IKZF1: variants seen among roughly 807,000 people sequenced by gnomAD.
IKZF1 encodes IKAROS family zinc finger 1, also known as DNA-binding protein Ikaros.
IKZF1 carries 10 observed loss-of-function variants against 51.7 expected under a neutral mutation model. The ratio of observed to expected loss-of-function variants is 0.19; its 90% CI spans 0.12 to 0.33. The LOEUF (loss-of-function observed/expected upper bound fraction) is 0.33. IKZF1 is among the 10% of genes least tolerant of loss of function. The pLI, the probability that IKZF1 is intolerant of heterozygous loss-of-function variation, is 1.00. For missense variants in IKZF1, 484 were observed against 707.5 expected, an observed-to-expected ratio of 0.68 and a Z score of 3.58; for synonymous variants, 280 against 282.3, an observed-to-expected ratio of 0.99 and a Z score of 0.08.
At chr7:50,320,173 A>T (rs1039412304) in intron 2 of IKZF1, among the ~76,000 whole-genome samples, 1 of 152,248 alleles carries the variant, frequency 6.6e-6, no homozygotes, top group African/African-American at 2.4e-5. Context: ...TTATTACAAT[A>T]TAATTGCCAC....
intron 3 of IKZF1, among the ~76,000 whole-genome samples, chr7:50,342,422 C>T (rs959514086): frequency 6.6e-5 from 10 of 152,094 alleles, no homozygotes; most frequent in Non-Finnish European, 1.5e-4. Context: ...GTTGGGAAGT[C>T]CTCTTTAAAT....
intron 1 of IKZF1, among the ~76,000 whole-genome samples, chr7:50,316,680 C>T (rs530236870): frequency 3.3e-5 from 5 of 152,322 alleles, no homozygotes; most frequent in South Asian, 2.1e-4. Context: ...GTCAGGATTC[C>T]GGCTTGAAAC....
chr7:50,355,882 C>T (rs191082772), intron 3 of IKZF1, among the ~76,000 whole-genome samples: 1 of 152,230 alleles, frequency 6.6e-6, no homozygotes, highest in East Asian at 1.9e-4. Context: ...CCCGGCTGTC[C>T]TGCCCCTCCT....
Position 50,402,724 on chromosome 7 carries a change from TGGA to T in IKZF1, c.*2099_*2101del, listed in dbSNP as rs1818355523. 1.7e-5 allele frequency: 4 copies of T among 230,074 alleles called. No individual in the cohort carries two copies. In the Admixed American group the frequency reaches 2.3e-4, roughly 13 times the overall value. The allele number at this position is 230,074 out of a possible 1,614,324, so 14.3% of individuals were successfully genotyped here. A position where few individuals can be genotyped will look rare whatever the true frequency, so the allele number is the denominator to read the frequency against. On this transcript the variant is annotated 3_prime_UTR_variant, in exon 8 of 8. Coordinates refer to ENST00000331340, the MANE Select transcript of IKZF1 (RefSeq NM_006060.6). ...AAACATTTGAGTTTTGTTGAAAAGA[TGGA>T]GTTTACAAAGATACCATTCTTGAGT... is the stretch of plus-strand genomic sequence containing the variant.
rs572178489 is a variant in IKZF1, at chr7:50,397,486, A to G, written c.851-2432A>G. The stretch of plus-strand genomic sequence containing the variant: ...GATTTCAGTGGTTGCTTGGGAAACC[A>G]CAGAACCATGACTTGGGGAGAGACA... On this transcript the variant is annotated intron_variant, in intron 7 of 7. Transcript: ENST00000331340. 5.9e-5 allele frequency among the ~76,000 whole-genome samples: 9 copies of G among 152,332 alleles called. No homozygotes were observed. The East Asian group carries it at 1.5e-3, about 26-fold the overall frequency.
At chr7:50,367,151 A>G (rs1807190472) in intron 3 of IKZF1, among the ~76,000 whole-genome samples, 2 of 152,200 alleles carry the variant, frequency 1.3e-5, no homozygotes, top group Non-Finnish European at 2.9e-5. Flanking sequence ...AAATCTGGAA[A>G]ACACTGGTTT....
At chr7:50,351,439 A>G (rs534893594) in intron 3 of IKZF1, among the ~76,000 whole-genome samples, 1 of 152,258 alleles carries the variant, frequency 6.6e-6, no homozygotes, top group African/African-American at 2.4e-5. Context: ...TTTCCTCCAT[A>G]TCTACTTTCC....
chr7:50,386,959 G>A (rs1813553072), intron 5 of IKZF1, among the ~76,000 whole-genome samples: 1 of 152,200 alleles, frequency 6.6e-6, no homozygotes, highest in Non-Finnish European at 1.5e-5. Context: ...TACTCTGGAG[G>A]CAAATCTGCA....
chr7:50,336,185 G>C (rs878890796), intron 3 of IKZF1, among the ~76,000 whole-genome samples: 1 of 152,172 alleles, frequency 6.6e-6, no homozygotes, highest in East Asian at 1.9e-4. Flanking sequence ...AGAAGACTCA[G>C]TTGGCAAACG....
At chr7:50,331,259 TA>T (rs1403575128) in intron 3 of IKZF1, among the ~76,000 whole-genome samples, 3 of 151,430 alleles carry the variant, frequency 2.0e-5, no homozygotes, top group East Asian at 1.9e-4. Flanking sequence ...TTTCTTACTT[TA>T]AAAAAAATGG....
At chr7:50,335,540 T>A (rs1176094290) in intron 3 of IKZF1, among the ~76,000 whole-genome samples, 6 of 147,084 alleles carry the variant, frequency 4.1e-5, no homozygotes, top group Non-Finnish European at 9.0e-5. Context: ...ATAGTGTGTA[T>A]GTGTGTATGG....
chr7:50,376,493 TGCAA>T lies in IKZF1; in HGVS notation c.161-39_161-36del. On this transcript the variant is annotated intron_variant, in intron 3 of 7. Transcript: ENST00000331340. The surrounding 1 kb of genome is among the most constrained non-coding windows in gnomAD (Gnocchi z 4.5). ...GTGTTGTTTTGTTGAGTTTTTTTTTTGCAATGACACTGAGTGGCCTCCTGTATTG... is the reference window on the plus strand; with the variant it reads ...GTGTTGTTTTGTTGAGTTTTTTTTTTTGACACTGAGTGGCCTCCTGTATTG... The T allele has an allele frequency of 6.3e-7, 1 of 1,592,802 alleles. No homozygotes were observed. Among genetic ancestry groups the T allele is most frequent in the Non-Finnish European group, 8.5e-7 (1 of 1,170,434 alleles).
intron 1 of IKZF1, among the ~76,000 whole-genome samples, chr7:50,310,910 G>A (rs1284657343): frequency 6.6e-6 from 1 of 152,158 alleles, no homozygotes; most frequent in Non-Finnish European, 1.5e-5. Context: ...CTCGAAGGTG[G>A]GGTGATGAGC....
At chr7:50,333,574 T>C (rs1201960320) in intron 3 of IKZF1, among the ~76,000 whole-genome samples, 1 of 152,222 alleles carries the variant, frequency 6.6e-6, no homozygotes, top group Non-Finnish European at 1.5e-5. Flanking sequence ...AAATATTATC[T>C]AGCAGCATCT....
intron 5 of IKZF1, among the ~76,000 whole-genome samples, chr7:50,386,716 A>G (rs1169329165): frequency 1.3e-5 from 2 of 152,170 alleles, no homozygotes; most frequent in East Asian, 1.9e-4. Context: ...ATACATATGC[A>G]TGGAAATACA....
In IKZF1 at chr7:50,400,932, A is replaced by C; in HGVS notation, c.*305A>C. On this transcript the variant is annotated 3_prime_UTR_variant, in exon 8 of 8. Coordinates refer to ENST00000331340, the MANE Select transcript of IKZF1 (RefSeq NM_006060.6). The surrounding 1 kb of genome is among the most constrained non-coding windows in gnomAD (Gnocchi z 5.4). ...TCGCTTCCTAGAATCCCCTTCTCCA[A>C]ACGATTAGTCTAAATTTTCAGAGAG... 2.2e-6 allele frequency: 1 copy of C among 458,882 alleles called. No individual in the cohort carries two copies. The highest frequency in any genetic ancestry group is 3.9e-6 in the Non-Finnish European group (1 of 255,800). 28.4% of individuals were successfully genotyped at this position (458,882 alleles called of 1,614,324 possible). A position where few individuals can be genotyped will look rare whatever the true frequency, so the allele number is the denominator to read the frequency against.
intron 5 of IKZF1, among the ~76,000 whole-genome samples, chr7:50,386,732 T>C (rs1186444348): frequency 6.6e-6 from 1 of 152,066 alleles, no homozygotes; most frequent in Non-Finnish European, 1.5e-5. Flanking sequence ...ATACAAAATA[T>C]TTTGTATTAT....
chr7:50,376,918 C>T lies in IKZF1; in HGVS notation c.421+125C>T. On this transcript the variant is annotated intron_variant, in intron 4 of 7. Transcript: ENST00000331340. The surrounding 1 kb of genome is among the most constrained non-coding windows in gnomAD (Gnocchi z 4.5). ...TAATTGACTGGTAGCTCAGTTGTTG[C>T]AAGCGATTGGTTCCAAGTGGTACCG... 6.9e-7 allele frequency: 1 copy of T among 1,459,526 alleles called. No homozygotes were observed. Among genetic ancestry groups the T allele is most frequent in the Non-Finnish European group, 9.1e-7 (1 of 1,097,698 alleles). The allele number at this position is 1,459,526 out of a possible 1,614,324, so 90.4% of individuals were successfully genotyped here.
At chr7:50,325,775 G>GAA (rs200392928) in intron 2 of IKZF1, among the ~76,000 whole-genome samples, 2 of 138,612 alleles carry the variant, frequency 1.4e-5, no homozygotes, top group East Asian at 2.1e-4. Flanking sequence ...ACTCTGTCTC[G>GAA]AAAAAAAAAA....
Sources: allele counts gnomAD v4.1 joint callset (sites outside exome capture counted in the v4.1 genomes callset), GRCh38; gene constraint gnomAD v4.1.1; non-coding constraint Gnocchi (gnomAD v3.1); transcripts MANE v1.5; gene names NCBI Gene and HGNC (gene_info 2026-07-23, HGNC 2026-07-21).